SWAP70: variants seen among roughly 807,000 people sequenced by gnomAD.
The protein encoded by SWAP70 is switching B cell complex subunit SWAP70, also known as switch-associated protein 70.
Under a neutral mutation model 80.2 loss-of-function variants are expected in SWAP70, and 34 were observed. The observed-to-expected ratio is 0.42, with a 90% CI of 0.32 to 0.56. SWAP70 has a LOEUF of 0.56. SWAP70 is among the 20% of genes least tolerant of loss of function. SWAP70 has a pLI of 0.09. For missense variants in SWAP70, 578 were observed against 690.7 expected (o/e 0.84, Z 1.83); for synonymous variants, 239 against 238.5 (o/e 1.00, Z -0.02).
intron 2 of SWAP70, among the ~76,000 whole-genome samples, chr11:9,707,605 G>A (rs939688163): frequency 2.0e-5 from 3 of 148,098 alleles, no homozygotes; most frequent in African/African-American, 7.5e-5. Context: ...GCTCAGGCTG[G>A]AGTGTAGTGG....
chr11:9,716,340 C>T (rs1283740183), intron 3 of SWAP70, among the ~76,000 whole-genome samples: 2 of 152,140 alleles, frequency 1.3e-5, no homozygotes, highest in Non-Finnish European at 2.9e-5. Flanking sequence ...GTCACAGGAC[C>T]AAGCATATAG....
intron 1 of SWAP70, among the ~76,000 whole-genome samples, chr11:9,676,488 T>G (rs1184362983): frequency 2.0e-5 from 3 of 152,164 alleles, no homozygotes; most frequent in Admixed American, 2.0e-4. Flanking sequence ...GGCATAATAT[T>G]TGCATATAAC....
At chr11:9,749,298 G>A (rs1490915374) in intron 11 of SWAP70, 115 bp downstream of exon 11, 4 of 411,022 alleles carry the variant, frequency 9.7e-6, no homozygotes, top group Non-Finnish European at 1.4e-5. Flanking sequence ...GCTGGATGGA[G>A]TGCAGTGGTG....
At chr11:9,730,400 A>C (rs971734505) in intron 6 of SWAP70, among the ~76,000 whole-genome samples, 2 of 151,648 alleles carry the variant, frequency 1.3e-5, no homozygotes, top group African/African-American at 2.4e-5. Flanking sequence ...ACTTCAAGAT[A>C]ATAGCCTCCA....
chr11:9,672,027 A>T (rs1401948278), intron 1 of SWAP70, among the ~76,000 whole-genome samples: 1 of 120,756 alleles, frequency 8.3e-6, no homozygotes, highest in Non-Finnish European at 1.6e-5. Flanking sequence ...AATAATATAT[A>T]TTTTAATAAT....
chr11:9,725,530 AATATATATATATATATAT>A (rs1211819180), intron 4 of SWAP70, among the ~76,000 whole-genome samples: 51 of 60,580 alleles, frequency 8.4e-4, no homozygotes, highest in Admixed American at 6.7e-3. Context: ...AAAAATACAA[AATATATATATATATATAT>A]ATATATATAT....
intron 2 of SWAP70, among the ~76,000 whole-genome samples, chr11:9,698,612 C>T (rs1351008105): frequency 6.6e-6 from 1 of 152,116 alleles, no homozygotes; most frequent in Non-Finnish European, 1.5e-5. Flanking sequence ...ACCATGTTGG[C>T]CAGGCTAGTC....
intron 4 of SWAP70, among the ~76,000 whole-genome samples, chr11:9,727,164 G>A (rs1180916052): frequency 2.6e-5 from 4 of 151,800 alleles, no homozygotes; most frequent in African/African-American, 9.7e-5. Context: ...GCTGAGGTGG[G>A]CGGATCACGA....
intron 1 of SWAP70, among the ~76,000 whole-genome samples, chr11:9,677,084 T>C (rs1850511452): frequency 6.6e-6 from 1 of 151,952 alleles, no homozygotes; most frequent in African/African-American, 2.4e-5. Flanking sequence ...CGTATGTGGA[T>C]TCTATACTCT....
chr11:9,706,340 TGGTG>T (rs1850914112), intron 2 of SWAP70, among the ~76,000 whole-genome samples: 5 of 147,566 alleles, frequency 3.4e-5, no homozygotes, highest in African/African-American at 1.3e-4. Context: ...TGTGTATACT[TGGTG>T]ATCTGTATAC....
At chr11:9,731,225 G>T (rs1046988105) in intron 6 of SWAP70, among the ~76,000 whole-genome samples, 2 of 152,112 alleles carry the variant, frequency 1.3e-5, no homozygotes, top group African/African-American at 4.8e-5. Context: ...ATCCTGAAAG[G>T]AGATTCTGAA....
At chr11:9,679,442 C>T (rs1183609524) in intron 1 of SWAP70, among the ~76,000 whole-genome samples, 1 of 152,190 alleles carries the variant, frequency 6.6e-6, no homozygotes, top group African/African-American at 2.4e-5. Context: ...GATGGATACT[C>T]AGCTAGCTGG....
chr11:9,701,522 C>T (rs1355605709), intron 2 of SWAP70, among the ~76,000 whole-genome samples: 1 of 151,522 alleles, frequency 6.6e-6, no homozygotes, highest in East Asian at 2.0e-4. Flanking sequence ...TTAGGTTATG[C>T]CTGTAATCTC....
At chr11:9,734,378 C>T (rs1252336454) in intron 7 of SWAP70, among the ~76,000 whole-genome samples, 2 of 152,296 alleles carry the variant, frequency 1.3e-5, no homozygotes, top group East Asian at 3.9e-4. Flanking sequence ...TTAAACTCTG[C>T]CTTCCAGGAG....
chr11:9,725,976 T>C (rs1851220175), intron 4 of SWAP70, among the ~76,000 whole-genome samples: 1 of 147,234 alleles, frequency 6.8e-6, no homozygotes, highest in African/African-American at 2.5e-5. Context: ...AGGAGATATC[T>C]TGTAATCCCC....
chr11:9,714,753 A>T (rs1230465552), intron 3 of SWAP70, among the ~76,000 whole-genome samples: 1 of 151,858 alleles, frequency 6.6e-6, no homozygotes, highest in African/African-American at 2.4e-5. Flanking sequence ...CTGAGTTGCC[A>T]GTCAGGATGC....
rs912444431 is a variant in SWAP70 at position 9,664,145 on chromosome 11, G to T, written c.-35G>T. 1 of 1,543,412 alleles carries T rather than the reference G, an allele frequency of 6.5e-7. No individual in the cohort carries two copies. Among genetic ancestry groups the T allele is most frequent in the Admixed American group, 2.0e-5 (1 of 50,472 alleles). On this transcript the variant is annotated 5_prime_UTR_variant, in exon 1 of 12. Transcript: ENST00000318950. ...TCCGAGGCGCGGAGGGGCTGGCTGG[G>T]CAGGAGGGGTTGGCGGGGCAGCAGG...
At chr11:9,670,927 A>G (rs1367091208) in intron 1 of SWAP70, among the ~76,000 whole-genome samples, 2 of 150,006 alleles carry the variant, frequency 1.3e-5, no homozygotes, top group Non-Finnish European at 1.5e-5. Context: ...CTAATTTTTT[A>G]TATTTTTAGT....
chr11:9,721,631 C>T (rs1471235996), intron 3 of SWAP70, among the ~76,000 whole-genome samples: 1 of 151,940 alleles, frequency 6.6e-6, no homozygotes, highest in South Asian at 2.1e-4. Flanking sequence ...ACCACCACAC[C>T]TGGCTAACTT....
Sources: gnomAD v4.1 joint callset for allele counts (sites outside exome capture counted in the v4.1 genomes callset) on GRCh38, gnomAD v4.1.1 for gene constraint, MANE v1.5 for transcripts, NCBI Gene and HGNC (gene_info 2026-07-23, HGNC 2026-07-21) for gene names.